The following ATP8A2 variants were observed in gnomAD, a reference collection of about 807,000 sequenced individuals.
The protein encoded by ATP8A2 is ATPase phospholipid transporting 8A2.
Under a neutral mutation model 165.6 loss-of-function variants are expected in ATP8A2, and 100 were observed. The ratio of observed to expected loss-of-function variants is 0.60; its 90% CI spans 0.51 to 0.71. The LOEUF is 0.71. Ranked by LOEUF, ATP8A2 falls within the 30% of genes least tolerant of loss-of-function variation. The pLI is 0.00. For missense variants in ATP8A2, 1,227 were observed against 1,479.5 expected (o/e 0.83, Z 2.80); for synonymous variants, 543 against 548.8 (o/e 0.99, Z 0.15).
chr13:25,959,068 A>G (rs528150489), intron 33 of ATP8A2, among the ~76,000 whole-genome samples: 4 of 152,218 alleles, frequency 2.6e-5, no homozygotes, highest in African/African-American at 9.6e-5. Flanking sequence ...TCCATCTTCC[A>G]GGGGCCAAGC....
At chr13:25,654,541 TAA>T (rs2041884791) in intron 24 of ATP8A2, among the ~76,000 whole-genome samples, 1 of 152,160 alleles carries the variant, frequency 6.6e-6, no homozygotes, top group Non-Finnish European at 1.5e-5. Flanking sequence ...GTTATGATGT[TAA>T]GTCATTGCAC....
intron 26 of ATP8A2, 21 bp from the exon 27 acceptor site, chr13:25,774,828 T>G: frequency 6.9e-7 from 1 of 1,440,368 alleles, no homozygotes. Context: ...TCTTCTGAGC[T>G]TTGTAATTTT....
chr13:25,513,327 G>A (rs1211113058), intron 2 of ATP8A2, among the ~76,000 whole-genome samples: 4 of 151,776 alleles, frequency 2.6e-5, no homozygotes, highest in South Asian at 4.2e-4. Flanking sequence ...ACGGGGCGGT[G>A]GGGCAGAGGC....
chr13:25,925,677 T>C (rs1022377127), intron 33 of ATP8A2, among the ~76,000 whole-genome samples: 3 of 151,894 alleles, frequency 2.0e-5, no homozygotes, highest in Non-Finnish European at 4.4e-5. Flanking sequence ...TTTCATGTAA[T>C]GATTGAAATA....
intron 33 of ATP8A2, among the ~76,000 whole-genome samples, chr13:25,938,596 C>T (rs1200595478): frequency 1.3e-5 from 2 of 152,114 alleles, no homozygotes; most frequent in East Asian, 3.9e-4. Flanking sequence ...GCTAACAGGA[C>T]ACGGAATGGA....
chr13:25,624,882 C>G (rs2041063484), intron 24 of ATP8A2, among the ~76,000 whole-genome samples: 1 of 152,186 alleles, frequency 6.6e-6, no homozygotes, highest in Non-Finnish European at 1.5e-5. Flanking sequence ...GAAATTCCTT[C>G]CATCTGCAGA....
At chr13:25,747,360 T>C (rs903139363) in intron 25 of ATP8A2, among the ~76,000 whole-genome samples, 4 of 152,248 alleles carry the variant, frequency 2.6e-5, no homozygotes, top group Non-Finnish European at 4.4e-5. Context: ...AAGTCAGTTT[T>C]CAGTGTCGCA....
At chr13:25,925,247 G>C (rs1954565877) in intron 33 of ATP8A2, among the ~76,000 whole-genome samples, 1 of 152,114 alleles carries the variant, frequency 6.6e-6, no homozygotes, top group Non-Finnish European at 1.5e-5. Context: ...AAATTATTAG[G>C]TGGGGGCAGG....
intron 1 of ATP8A2, among the ~76,000 whole-genome samples, chr13:25,453,997 G>T (rs532570599): frequency 6.6e-6 from 1 of 152,290 alleles, no homozygotes; most frequent in Non-Finnish European, 1.5e-5. Context: ...GAAAGGAACT[G>T]GTTTGGTAGT....
intron 1 of ATP8A2, among the ~76,000 whole-genome samples, chr13:25,423,360 G>T (rs917983380): frequency 2.6e-5 from 4 of 152,124 alleles, no homozygotes; most frequent in Admixed American, 6.6e-5. Flanking sequence ...GTGTACCAAG[G>T]CAATGAAATG....
intron 35 of ATP8A2, among the ~76,000 whole-genome samples, chr13:26,011,984 A>C (rs893441699): frequency 6.6e-6 from 1 of 152,218 alleles, no homozygotes; most frequent in African/African-American, 2.4e-5. Flanking sequence ...ACAGTTCCAC[A>C]TGTCTTCACA....
intron 1 of ATP8A2, among the ~76,000 whole-genome samples, chr13:25,444,956 GT>G (rs2035031294): frequency 1.3e-5 from 2 of 152,250 alleles, no homozygotes; most frequent in South Asian, 4.1e-4. Context: ...CTTTTCATGT[GT>G]TTATTGGCCA....
At position 25,960,803 on chromosome 13, in the gene ATP8A2, G is replaced by C. The variant is rs184869101; in HGVS notation, c.3184-772G>C. Among the ~76,000 whole-genome samples, 3 of 152,110 alleles carry C rather than the reference G, an allele frequency of 2.0e-5. No homozygotes were observed. In the East Asian group the frequency reaches 5.8e-4, roughly 30 times the overall value. On this transcript the variant is annotated intron_variant, in intron 33 of 36. Transcript: ENST00000381655. ...CTGATCCCCAAAACCCTCTCTACCT[G>C]TTCCCTCCCAAGCTATCCCTGACCA...
intron 15 of ATP8A2, 139 bp from the exon 16 acceptor site, chr13:25,563,817 T>G: frequency 3.4e-6 from 2 of 591,646 alleles, no homozygotes; most frequent in Non-Finnish European, 6.0e-6. Context: ...TAATACAGAA[T>G]TTCAAGTCTT....
chr13:25,805,078 G>C (rs1950702203), intron 27 of ATP8A2, among the ~76,000 whole-genome samples: 1 of 152,148 alleles, frequency 6.6e-6, no homozygotes, highest in African/African-American at 2.4e-5. Flanking sequence ...GCTTTGCTAA[G>C]AGTTTTGTTA....
chr13:25,857,860 C>T (rs1459643516), intron 30 of ATP8A2, among the ~76,000 whole-genome samples: 4 of 152,192 alleles, frequency 2.6e-5, no homozygotes, highest in South Asian at 2.1e-4. Context: ...TGTGAGCCGC[C>T]GCACCCAGCA....
intron 25 of ATP8A2, among the ~76,000 whole-genome samples, chr13:25,764,599 CT>C (rs1456623029): frequency 6.6e-6 from 1 of 152,224 alleles, no homozygotes; most frequent in African/African-American, 2.4e-5. Context: ...CCAGCCCAGG[CT>C]TTCTGATCAG....
chr13:25,699,996 G>A (rs1482407943), intron 25 of ATP8A2, among the ~76,000 whole-genome samples: 4 of 152,182 alleles, frequency 2.6e-5, no homozygotes, highest in Non-Finnish European at 5.9e-5. Context: ...AGGTCACAGA[G>A]AGCTGGAGGG....
chr13:25,935,652 G>A (rs1954864294), intron 33 of ATP8A2, among the ~76,000 whole-genome samples: 1 of 152,102 alleles, frequency 6.6e-6, no homozygotes, highest in Non-Finnish European at 1.5e-5. Context: ...GGTAGGGGAA[G>A]CATCACACTC....
Sources: gnomAD v4.1 joint callset for allele counts (sites outside exome capture counted in the v4.1 genomes callset) on GRCh38, gnomAD v4.1.1 for gene constraint, MANE v1.5 for transcripts, NCBI Gene and HGNC (gene_info 2026-07-23, HGNC 2026-07-21) for gene names.